Variants in CYP4A22 observed in about 807,000 individuals in gnomAD.
CYP4A22 encodes the protein cytochrome P450 family 4 subfamily A member 22.
A neutral mutation model predicts 56.2 loss-of-function variants in CYP4A22; 46 were observed. That is an observed-to-expected ratio of 0.82 (90% CI 0.65 to 1.05). The LOEUF (loss-of-function observed/expected upper bound fraction) is 1.05. CYP4A22 is among the 50% of genes least tolerant of loss of function. CYP4A22 has a pLI of 0.00. For synonymous variants in CYP4A22, 193 were observed against 251.1 expected, an observed-to-expected ratio of 0.77 and a Z score of 2.19; for missense variants, 541 against 645.9, an observed-to-expected ratio of 0.84 and a Z score of 1.76.
chr1:47,141,083 T>G (rs1255494300), intron 2 of CYP4A22, among the ~76,000 whole-genome samples, 162 bp downstream of exon 2: 1 of 152,212 alleles, frequency 6.6e-6, no homozygotes, highest in African/African-American at 2.4e-5. Context: ...GTCAAAAATA[T>G]TTACTGAATA....
In CYP4A22 at chr1:47,144,708, T is replaced by A. The variant is rs56085413; in HGVS notation, c.1056T>A (p.His352Gln). The A allele has an allele frequency of 2.5e-6, 4 of 1,613,656 alleles. No homozygotes were observed. The South Asian group carries it at 4.4e-5, about 18-fold the overall frequency. The change falls in exon 8 of 12, where the codon CAT becomes CAA. Residue 352 changes from histidine (H) to glutamine (Q), a missense_variant. Physicochemically the swap from His to Gln is conservative, Grantham distance 24 (BLOSUM62 0). Coordinates refer to ENST00000371891, the MANE Select transcript of CYP4A22 (RefSeq NM_001010969.4). ...AGGAGAGGTGCCGGGAGGAGATCCA[T>A]GGCCTCCTGGGTGATGGAGCCTCCA... is the stretch of plus-strand genomic sequence containing the variant. ...KHQERCREEI[H>Q]GLLGDGASIT... is the part of the protein sequence containing the mutation.
rs1645109609 is a variant in CYP4A22, at chr1:47,149,567, T to C, written c.*770T>C. ...ACTTTGTCACCCCCACAACCTGGTGTTGGGTCCGATAACCCCAACATCCCT... is the reference window on the plus strand; with the variant it reads ...ACTTTGTCACCCCCACAACCTGGTGCTGGGTCCGATAACCCCAACATCCCT... On this transcript the variant is annotated 3_prime_UTR_variant, in exon 12 of 12. Coordinates refer to ENST00000371891, the MANE Select transcript of CYP4A22 (RefSeq NM_001010969.4). 1 of 152,134 alleles carries C rather than the reference T, an allele frequency of 6.6e-6. No individual in the cohort carries two copies. Among genetic ancestry groups the C allele is most frequent in the Non-Finnish European group, 1.5e-5 (1 of 68,042 alleles). 9.4% of individuals were successfully genotyped at this position (152,134 alleles called of 1,614,324 possible).
chr1:47,147,816 T>C (rs1257712190), intron 11 of CYP4A22, among the ~76,000 whole-genome samples: 1 of 152,202 alleles, frequency 6.6e-6, no homozygotes, highest in African/African-American at 2.4e-5. Context: ...AGGGCTTGTC[T>C]GCCGGCTGAG....
chr1:47,143,741 C>T, intron 5 of CYP4A22, 21 bp from the exon 6 acceptor site: 1 of 1,594,364 alleles, frequency 6.3e-7, no homozygotes, highest in East Asian at 2.2e-5. Flanking sequence ...ACTGCGGTCT[C>T]TTCTTCATAC....
Position 47,143,850 on chromosome 1 carries a change from A to G in CYP4A22, c.724A>G (p.Ile242Val), listed in dbSNP as rs770005682. Residue 242 changes from isoleucine (I) to valine (V), a missense_variant, in exon 6 of 12, where the codon ATC (isoleucine) becomes GTC (valine). Ile to Val is a conservative substitution (Grantham distance 29). Around this residue, in one of 3 missense-constraint regions of CYP4A22, gnomAD observed 335 missense variants for 361.2 expected, o/e 0.93. Coordinates refer to ENST00000371891, the MANE Select transcript of CYP4A22 (RefSeq NM_001010969.4). ...GAATGCCTTTCATGAGAATGACACC[A>G]TCTACAGCCTGACCTCTGCTGGCCG... ...MRNAFHENDT[I>V]YSLTSAGRWT... The G allele has an allele frequency of 1.2e-5, 19 of 1,613,972 alleles. No individual in the cohort carries two copies. Among genetic ancestry groups the G allele is most frequent in the East Asian group, 2.2e-5 (1 of 44,880 alleles).
chr1:47,140,395 T>A (rs1324662975), intron 1 of CYP4A22, among the ~76,000 whole-genome samples: 1 of 152,258 alleles, frequency 6.6e-6, no homozygotes, highest in African/African-American at 2.4e-5. Flanking sequence ...TATATAAAAT[T>A]ATTGTGTAAT....
In CYP4A22 at chr1:47,146,160, C is replaced by G; in HGVS notation, c.1364+7C>G. The G allele has an allele frequency of 1.2e-6, 2 of 1,614,178 alleles. No homozygotes were observed. The highest frequency in any genetic ancestry group is 1.7e-6 in the Non-Finnish European group (2 of 1,180,034). On this transcript the variant is annotated splice_region_variant and intron_variant, in intron 11 of 11. Coordinates refer to ENST00000371891, the MANE Select transcript of CYP4A22 (RefSeq NM_001010969.4). ...CCTTCTCAGGAGGATCAAGGTGAGA[C>G]GTCCTGTGTGGTAATTGGAATAGAG...
At chr1:47,146,784 T>G (rs1645080891) in intron 11 of CYP4A22, 11 of 987,136 alleles carry the variant, frequency 1.1e-5, no homozygotes, top group Non-Finnish European at 1.3e-5. Flanking sequence ...TATATAGTGT[T>G]CACATATTTA....
intron 11 of CYP4A22, among the ~76,000 whole-genome samples, chr1:47,147,782 T>C (rs967483020): frequency 1.3e-5 from 2 of 152,022 alleles, no homozygotes; most frequent in Non-Finnish European, 2.9e-5. Flanking sequence ...ACAGGTAAAA[T>C]GTGGGTGAGG....
rs766966223 is a variant in CYP4A22, at chr1:47,144,661, C to T, written c.1009C>T (p.Leu337=). The stretch of plus-strand genomic sequence containing the variant: ...TGGGATCTCCTGGATCCTCTATGCT[C>T]TGGCCACACACCCCAAGCATCAGGA... ...ASGISWILYA[L]ATHPKHQERC... Residue 337 remains leucine, a synonymous_variant, in exon 8 of 12, where the codon CTG becomes TTG. Coordinates refer to ENST00000371891, the MANE Select transcript of CYP4A22 (RefSeq NM_001010969.4). 5 of 1,613,800 alleles carry T rather than the reference C, an allele frequency of 3.1e-6. No individual in the cohort carries two copies. The African/African-American group carries it at 5.3e-5, about 17-fold the overall frequency.
At chr1:47,138,163 T>C (rs1328270381) in intron 1 of CYP4A22, among the ~76,000 whole-genome samples, 2 of 152,198 alleles carry the variant, frequency 1.3e-5, no homozygotes, top group East Asian at 3.9e-4. Flanking sequence ...GGTGTCAGAC[T>C]GCAGGAAAAG....
Position 47,140,109 on chromosome 1 carries a change from T to C in CYP4A22, c.196-671T>C, listed in dbSNP as rs1426290476. On this transcript the variant is annotated intron_variant, in intron 1 of 11. Coordinates refer to ENST00000371891, the MANE Select transcript of CYP4A22 (RefSeq NM_001010969.4). ...ATCCACATCGAAGAGTTTAGAAAGA[T>C]GACTGCAGGCAGCAGGGAGCTCATA... Among the ~76,000 whole-genome samples the C allele has an allele frequency of 1.3e-5, 2 of 152,134 alleles. 1 individual carries two copies.
At position 47,143,929 on chromosome 1, in the gene CYP4A22, C is replaced by T. The variant is rs1323022987; in HGVS notation, c.790+13C>T. ...CATCAGCACACAGGTTCTGTCTCTT[C>T]CTCTTGTCTCCCAGCCTTTCCCAGG... On this transcript the variant is annotated intron_variant, in intron 6 of 11. Coordinates refer to ENST00000371891, the MANE Select transcript of CYP4A22 (RefSeq NM_001010969.4). The T allele has an allele frequency of 6.2e-7, 1 of 1,600,342 alleles. No individual in the cohort carries two copies. The highest frequency in any genetic ancestry group is 1.3e-5 in the African/African-American group (1 of 74,538).
chr1:47,144,903 G>T lies in CYP4A22; in HGVS notation c.1155G>T (p.Pro385=). ...AGGAGGCACTGAGGCTCTACCCACC[G>T]GTGCCAGGCATTGGAAGAGAGCTCA... ...CIKEALRLYP[P]VPGIGRELST... is the part of the protein sequence containing the mutation. Residue 385 remains proline (P), a synonymous_variant, in exon 9 of 12, where the codon CCG becomes CCT. Transcript: ENST00000371891. 3 of 1,614,154 alleles carry T rather than the reference G, an allele frequency of 1.9e-6. No individual in the cohort carries two copies. Among genetic ancestry groups the T allele is most frequent in the Non-Finnish European group, 2.5e-6 (3 of 1,180,020 alleles).
intron 3 of CYP4A22, 25 bp from the exon 4 acceptor site, chr1:47,142,083 A>T: frequency 6.2e-7 from 1 of 1,607,202 alleles, no homozygotes. Context: ...ATACACACAC[A>T]TACACATATT....
chr1:47,143,074 G>A (rs908989641), intron 4 of CYP4A22, among the ~76,000 whole-genome samples, 195 bp from the exon 5 acceptor site: 1 of 152,222 alleles, frequency 6.6e-6, no homozygotes, highest in Non-Finnish European at 1.5e-5. Context: ...GTGAGAATTA[G>A]GTGTCAGTTT....
chr1:47,144,268 G>C, intron 6 of CYP4A22, 89 bp from the exon 7 acceptor site: 1 of 1,497,210 alleles, frequency 6.7e-7, no homozygotes, highest in Non-Finnish European at 9.1e-7. Flanking sequence ...AGATCTACCA[G>C]GCACCCACAC....
intron 11 of CYP4A22, 144 bp downstream of exon 11, chr1:47,146,297 G>C (rs913204892): frequency 6.4e-7 from 1 of 1,557,586 alleles, no homozygotes; most frequent in Non-Finnish European, 8.7e-7. Context: ...TCAGGCACCT[G>C]GTGTGGGCGT....
intron 1 of CYP4A22, among the ~76,000 whole-genome samples, chr1:47,140,561 T>C (rs1432584326): frequency 6.6e-6 from 1 of 152,222 alleles, no homozygotes; most frequent in Non-Finnish European, 1.5e-5. Context: ...AATGGCTGAC[T>C]TAAATTTCTG....
Sources: allele counts gnomAD v4.1 joint callset (sites outside exome capture counted in the v4.1 genomes callset), GRCh38; gene constraint gnomAD v4.1.1; regional missense constraint gnomAD v4.1.1; transcripts MANE v1.5; gene names NCBI Gene and HGNC (gene_info 2026-07-23, HGNC 2026-07-21).